The following VPS33A variants were observed in gnomAD, a reference collection of about 807,000 sequenced individuals.
VPS33A encodes the protein vacuolar protein sorting-associated protein 33A.
In VPS33A, 32 loss-of-function variants were observed where a neutral mutation model predicts 71.8. The ratio of observed to expected loss-of-function variants is 0.45; its 90% confidence interval spans 0.34 to 0.60. VPS33A has a LOEUF of 0.60. VPS33A is among the 20% of genes least tolerant of loss of function. The pLI, the probability that VPS33A is intolerant of heterozygous loss-of-function variation, is 0.02. For synonymous variants in VPS33A, 311 were observed against 292.7 expected (o/e 1.06, Z -0.64); for missense variants, 625 against 748.5 (o/e 0.84, Z 1.92).
chr12:122,236,394 C>T (rs1301173340), intron 10 of VPS33A, among the ~76,000 whole-genome samples: 1 of 152,154 alleles, frequency 6.6e-6, no homozygotes, highest in South Asian at 2.1e-4. Context: ...AATCCCAGTA[C>T]TTTGGGAGGC....
Position 122,239,747 on chromosome 12 carries a change from CT to C in VPS33A, c.1164+130del, listed in dbSNP as rs1271127042. ...TGGGTGACACACAGTGAGACTCCGT[CT>C]CAAAAAAAAAAAAAAAAAAAAAAAA... On this transcript the variant is annotated intron_variant, in intron 9 of 12. Transcript: ENST00000267199. 1,029 of 324,018 alleles carry C rather than the reference CT, an allele frequency of 3.2e-3. 59 individuals carry two copies. The highest frequency in any genetic ancestry group is 0.02 in the African/African-American group (342 of 17,228). The allele number at this position is 324,018 out of a possible 1,614,324, so 20.1% of individuals were successfully genotyped here. A position where few individuals can be genotyped will look rare whatever the true frequency, so the allele number is the denominator to read the frequency against.
chr12:122,266,230 T>G, intron 1 of VPS33A, 77 bp downstream of exon 1: 1 of 1,559,760 alleles, frequency 6.4e-7, no homozygotes. Flanking sequence ...AACCGCGAAC[T>G]CAGGCGGTCA....
chr12:122,232,470 A>T lies in VPS33A; in HGVS notation c.1610-43T>A, dbSNP rs756648214. The T allele has an allele frequency of 1.9e-6, 3 of 1,544,674 alleles. No homozygotes were observed. In the Admixed American group the frequency reaches 5.6e-5, roughly 29 times the overall value. Reference sequence around the variant, plus strand: ...CAGAATTAAAAACTATTTATTATTAATGCTTCTCTTCCCACCTCTTCAAAC... The same window carrying T: ...CAGAATTAAAAACTATTTATTATTATTGCTTCTCTTCCCACCTCTTCAAAC... On this transcript the variant is annotated intron_variant, in intron 12 of 12. Transcript: ENST00000267199.
rs1301833560 is a variant in VPS33A, at chr12:122,261,307, G to A, written c.437C>T (p.Pro146Leu). 1.9e-6 allele frequency: 3 copies of A among 1,611,818 alleles called. No homozygotes were observed. The Admixed American group carries it at 5.1e-5, about 27-fold the overall frequency. The part of the protein sequence containing the change: ...HREEYSLDLI[P>L]FDGDLLSMES... ...CATGGATAAGAGATCCCCATCGAAT[G>A]GAATGAGATCTAAGCTGTACTCCTC... The change falls in exon 4 of 13, where the codon CCA becomes CTA. Residue 146 changes from proline (P) to leucine (L), a missense_variant. Pro to Leu is a moderately conservative substitution (Grantham distance 98, BLOSUM62 -3). Transcript: ENST00000267199.
At chr12:122,237,417 C>T (rs368462290) in intron 10 of VPS33A, among the ~76,000 whole-genome samples, 9 of 151,632 alleles carry the variant, frequency 5.9e-5, no homozygotes, top group African/African-American at 1.9e-4. Context: ...AAAACTGGGA[C>T]GATAGCAGTC....
At chr12:122,259,187 GTGTATGTATGTATGTA>G (rs71082954) in intron 4 of VPS33A, among the ~76,000 whole-genome samples, 20 of 144,646 alleles carry the variant, frequency 1.4e-4, no homozygotes, top group Non-Finnish European at 2.0e-4. Context: ...GTATGTATGT[GTGTATGTATGTATGTA>G]TGTATGTATG....
At chr12:122,238,236 T>C (rs1435763602) in intron 10 of VPS33A, among the ~76,000 whole-genome samples, 1 of 152,180 alleles carries the variant, frequency 6.6e-6, no homozygotes. Context: ...ATTATTATTT[T>C]TTGAGACAGA....
chr12:122,254,405 CTT>C (rs10571356), intron 4 of VPS33A, among the ~76,000 whole-genome samples: 22,308 of 109,876 alleles, frequency 0.2, 4,905 homozygotes, highest in African/African-American at 0.58. Flanking sequence ...ACCCCCCCGC[CTT>C]TTTTTTTTTT....
rs1013261550 is a variant in VPS33A, at chr12:122,266,188, C to T, written c.102+119G>A. 3.5e-6 allele frequency: 5 copies of T among 1,428,834 alleles called. No homozygotes were observed. The South Asian group carries it at 4.1e-5, about 12-fold the overall frequency. 88.5% of individuals were successfully genotyped at this position (1,428,834 alleles called of 1,614,324 possible). A position where few individuals can be genotyped will look rare whatever the true frequency, so the allele number is the denominator to read the frequency against. On this transcript the variant is annotated intron_variant, in intron 1 of 12. Transcript: ENST00000267199. Reference sequence around the variant, plus strand: ...GGGTGCAGGTAAAAGGGCCCTGAGGCTCGCCTCCTTGGAAGCCCCAAGGAC... The same window carrying T: ...GGGTGCAGGTAAAAGGGCCCTGAGGTTCGCCTCCTTGGAAGCCCCAAGGAC...
At chr12:122,242,250 C>T (rs1298965062) in intron 8 of VPS33A, 132 bp downstream of exon 8, 2 of 1,142,652 alleles carry the variant, frequency 1.8e-6, no homozygotes, top group African/African-American at 1.5e-5. Flanking sequence ...TTCATTAACA[C>T]TGAGAAGAAC....
At chr12:122,260,993 A>G (rs1954985959) in intron 4 of VPS33A, among the ~76,000 whole-genome samples, 1 of 152,222 alleles carries the variant, frequency 6.6e-6, no homozygotes, top group South Asian at 2.1e-4. Flanking sequence ...AAAACAAAAC[A>G]AAAAAACAAA....
rs1276523507 is a variant in VPS33A, at chr12:122,244,574, A to G, written c.964T>C (p.Phe322Leu). The G allele has an allele frequency of 6.3e-7, 1 of 1,594,364 alleles. No individual in the cohort carries two copies. The highest frequency in any genetic ancestry group is 8.6e-7 in the Non-Finnish European group (1 of 1,163,980). ...SKKAKIISAAFEERHNAKTVG... is the reference protein window; with the variant it reads ...SKKAKIISAALEERHNAKTVG... The stretch of plus-strand genomic sequence containing the variant: ...ACACCCAAAACTTGCCTCACCTCGA[A>G]TGCTGCAGAGATGATCTTTGCTTTC... The change falls in exon 7 of 13, where the codon TTC becomes CTC. Residue 322 changes from phenylalanine (F) to leucine (L), a missense_variant. Physicochemically the swap from Phe to Leu is conservative, Grantham distance 22. Coordinates refer to ENST00000267199, the MANE Select transcript of VPS33A (RefSeq NM_022916.6).
In VPS33A at chr12:122,229,897, T is replaced by C. The variant is rs1954537419; in HGVS notation, c.*2349A>G. The C allele has an allele frequency of 6.6e-6, 1 of 152,124 alleles. No individual in the cohort carries two copies. Among genetic ancestry groups the C allele is most frequent in the African/African-American group, 2.4e-5 (1 of 41,418 alleles). The allele number at this position is 152,124 out of a possible 1,614,324, so 9.4% of individuals were successfully genotyped here. A position where few individuals can be genotyped will look rare whatever the true frequency, so the allele number is the denominator to read the frequency against. ...GCAAGTATATAGAGTCTTGGGTGAG[T>C]GCAGACACATGAGACTACAACTGAG... On this transcript the variant is annotated 3_prime_UTR_variant, in exon 13 of 13. Coordinates refer to ENST00000267199, the MANE Select transcript of VPS33A (RefSeq NM_022916.6).
chr12:122,236,060 G>T, intron 10 of VPS33A, 137 bp from the exon 11 acceptor site: 2 of 1,052,036 alleles, frequency 1.9e-6, no homozygotes, highest in Non-Finnish European at 2.7e-6. Context: ...GTTAGTGGAT[G>T]GGCACAGAGG....
chr12:122,232,652 G>C, intron 12 of VPS33A, 148 bp downstream of exon 12: 2 of 1,126,480 alleles, frequency 1.8e-6, no homozygotes, highest in Non-Finnish European at 2.5e-6. Context: ...TCCGATTCGA[G>C]TTCTTACTAC....
chr12:122,261,331 TCCC>T lies in VPS33A; in HGVS notation c.410_412del (p.Arg137_Glu138delinsLys). ...TGGAATGAGATCTAAGCTGTACTCCTCCCTGTGAATAAAGGATCCCAAGACACC... is the reference window on the plus strand; with the variant it reads ...TGGAATGAGATCTAAGCTGTACTCCTTGTGAATAAAGGATCCCAAGACACC... On this transcript the variant is annotated inframe_deletion, in exon 4 of 13. Transcript: ENST00000267199. 1 of 1,614,100 alleles carries T rather than the reference TCCC, an allele frequency of 6.2e-7. No individual in the cohort carries two copies. The highest frequency in any genetic ancestry group is 8.5e-7 in the Non-Finnish European group (1 of 1,180,018).
chr12:122,235,859 T>G lies in VPS33A; in HGVS notation c.1367A>C (p.Gln456Pro), dbSNP rs1342829067. 1 of 1,613,818 alleles carries G rather than the reference T, an allele frequency of 6.2e-7. No homozygotes were observed. Among genetic ancestry groups the G allele is most frequent in the African/African-American group, 1.3e-5 (1 of 75,006 alleles). The change falls in exon 11 of 13, where the codon CAG (glutamine) becomes CCG (proline). Residue 456 changes from glutamine (Q) to proline (P), a missense_variant. Coordinates refer to ENST00000267199, the MANE Select transcript of VPS33A (RefSeq NM_022916.6). ...TGGGTAATTGTTTCTGCCCCCCGTC[T>G]GCGGTTTCAGCAGGCCGGCCTTCTC... ...NLEKAGLLKP[Q>P]TGGRNNYPTI...
intron 5 of VPS33A, 67 bp downstream of exon 5, chr12:122,250,915 TC>T: frequency 2.6e-6 from 3 of 1,137,370 alleles, no homozygotes; most frequent in Non-Finnish European, 3.9e-6. Flanking sequence ...GTAAGGAGCT[TC>T]CCGTTCCTCC....
intron 10 of VPS33A, among the ~76,000 whole-genome samples, chr12:122,237,495 AT>A (rs1954643707): frequency 6.9e-6 from 1 of 145,292 alleles, no homozygotes; most frequent in Non-Finnish European, 1.5e-5. Flanking sequence ...ACAAGGAAGT[AT>A]TGTGAAGATG....
Sources: gnomAD v4.1 joint callset for allele counts (sites outside exome capture counted in the v4.1 genomes callset) on GRCh38, gnomAD v4.1.1 for gene constraint, MANE v1.5 for transcripts, NCBI Gene and HGNC (gene_info 2026-07-23, HGNC 2026-07-21) for gene names.